Variants in CSMD1 observed in about 807,000 individuals in gnomAD.
CSMD1 encodes the protein CUB and Sushi multiple domains 1.
A neutral mutation model predicts 417.5 loss-of-function variants in CSMD1; 213 were observed. That is an observed-to-expected ratio of 0.51 (90% CI 0.46 to 0.57). CSMD1 has a LOEUF of 0.57. Among genes scored for constraint, CSMD1 ranks in the 20% least tolerant of loss-of-function variants. The pLI is 0.00. For missense variants in CSMD1, 6,923 were observed against 4,529.7 expected (o/e 1.53, Z -15.17); for synonymous variants, 2,862 against 1,736.8 (o/e 1.65, Z -16.11).
At chr8:3,680,757 A>G (rs1270439675) in intron 7 of CSMD1, among the ~76,000 whole-genome samples, 3 of 152,172 alleles carry the variant, frequency 2.0e-5, no homozygotes, top group East Asian at 3.8e-4. Context: ...TTAGACCAAT[A>G]TCCCTGATGA....
At chr8:4,393,574 T>C (rs1362739023) in intron 3 of CSMD1, among the ~76,000 whole-genome samples, 1 of 152,166 alleles carries the variant, frequency 6.6e-6, no homozygotes, top group East Asian at 1.9e-4. Flanking sequence ...GAGAAAGGCC[T>C]TCTGACTCTC....
At chr8:3,742,581 C>T (rs1327910871) in intron 6 of CSMD1, among the ~76,000 whole-genome samples, 2 of 152,092 alleles carry the variant, frequency 1.3e-5, no homozygotes, top group Non-Finnish European at 2.9e-5. Context: ...TTGCCTCTGC[C>T]CCGGGCCAGT....
At chr8:4,655,101 T>C (rs1333672273) in intron 1 of CSMD1, among the ~76,000 whole-genome samples, 1 of 152,058 alleles carries the variant, frequency 6.6e-6, no homozygotes, top group Non-Finnish European at 1.5e-5. Flanking sequence ...TTAATTTACC[T>C]ATATTACTAA....
chr8:4,657,834 G>C (rs891143003), intron 1 of CSMD1, among the ~76,000 whole-genome samples: 1 of 151,446 alleles, frequency 6.6e-6, no homozygotes, highest in Non-Finnish European at 1.5e-5. Flanking sequence ...TAGACAAAAA[G>C]GTCTAGGAAA....
Position 4,180,141 on chromosome 8 carries a change from G to A in CSMD1, c.416-148042C>T, listed in dbSNP as rs140388264. Among the ~76,000 whole-genome samples the A allele has an allele frequency of 5.3e-3, 800 of 152,094 alleles. 6 individuals are homozygous for A. The highest frequency in any genetic ancestry group is 0.01 in the African/African-American group (428 of 41,476). ...ACACATTCACACATATGTTTACTGC[G>A]GCACTATTCACGACAGCAAAGACTT... On this transcript the variant is annotated intron_variant, in intron 3 of 69. Transcript: ENST00000635120.
At chr8:4,364,486 T>C (rs1160969643) in intron 3 of CSMD1, among the ~76,000 whole-genome samples, 3 of 152,192 alleles carry the variant, frequency 2.0e-5, no homozygotes, top group African/African-American at 4.8e-5. Flanking sequence ...TTTCCTCTCT[T>C]GCTTTCTAGA....
chr8:3,494,282 C>G (rs1796267832), intron 10 of CSMD1, among the ~76,000 whole-genome samples: 1 of 152,030 alleles, frequency 6.6e-6, no homozygotes, highest in African/African-American at 2.4e-5. Context: ...ATGAGCAGCA[C>G]CAAGACATCT....
At chr8:4,072,254 G>A (rs1357282552) in intron 3 of CSMD1, among the ~76,000 whole-genome samples, 3 of 152,124 alleles carry the variant, frequency 2.0e-5, no homozygotes, top group Non-Finnish European at 4.4e-5. Context: ...GAATCCCATA[G>A]GAGTTTATTT....
intron 37 of CSMD1, among the ~76,000 whole-genome samples, chr8:3,170,268 T>C (rs920461633): frequency 1.1e-4 from 17 of 152,158 alleles, no homozygotes; most frequent in African/African-American, 3.4e-4. Flanking sequence ...AGTGCAGTGG[T>C]GTGATCTTGG....
At chr8:2,953,862 G>A (rs995112342) in intron 65 of CSMD1, among the ~76,000 whole-genome samples, 1 of 152,228 alleles carries the variant, frequency 6.6e-6, no homozygotes, top group Non-Finnish European at 1.5e-5. Flanking sequence ...TCATTGATAT[G>A]AGCTTCCTCA....
At chr8:3,003,272 T>C (rs1374978909) in intron 52 of CSMD1, among the ~76,000 whole-genome samples, 3 of 152,222 alleles carry the variant, frequency 2.0e-5, no homozygotes. Context: ...CTATTTTAAA[T>C]TTAAGATTCT....
intron 5 of CSMD1, among the ~76,000 whole-genome samples, chr8:3,968,589 G>A (rs1014096655): frequency 6.6e-6 from 1 of 152,168 alleles, no homozygotes; most frequent in Non-Finnish European, 1.5e-5. Context: ...GTGTATTTCA[G>A]ATGGAATATT....
chr8:4,164,996 C>G (rs887078528), intron 3 of CSMD1, among the ~76,000 whole-genome samples: 5 of 151,928 alleles, frequency 3.3e-5, no homozygotes, highest in African/African-American at 1.2e-4. Context: ...GTAGAGTTTC[C>G]TATGTTCTTG....
chr8:3,195,943 C>T (rs1796680494), intron 33 of CSMD1, among the ~76,000 whole-genome samples: 1 of 152,098 alleles, frequency 6.6e-6, no homozygotes, highest in African/African-American at 2.4e-5. Flanking sequence ...TCAATAGGGG[C>T]TGTATAAAAT....
At chr8:4,120,802 C>G (rs779402437) in intron 3 of CSMD1, among the ~76,000 whole-genome samples, 1 of 152,170 alleles carries the variant, frequency 6.6e-6, no homozygotes, top group Non-Finnish European at 1.5e-5. Context: ...AAGACAGAAG[C>G]TCATGACATG....
chr8:3,716,522 T>G lies in CSMD1; in HGVS notation c.932-8031A>C, dbSNP rs151216417. Reference sequence around the variant, plus strand: ...TAAACTGTCATGGTGCTGATGTGAGTGCAGCAGTGAGGATGGCCAGAGTCA... The same window carrying G: ...TAAACTGTCATGGTGCTGATGTGAGGGCAGCAGTGAGGATGGCCAGAGTCA... On this transcript the variant is annotated intron_variant, in intron 6 of 69. Transcript: ENST00000635120. 2.4e-3 allele frequency among the ~76,000 whole-genome samples: 372 copies of G among 152,278 alleles called. 2 individuals carry two copies. The highest frequency in any genetic ancestry group is 6.1e-3 in the Admixed American group (94 of 15,296).
chr8:3,132,234 C>G (rs913000864), intron 41 of CSMD1, among the ~76,000 whole-genome samples: 1 of 151,888 alleles, frequency 6.6e-6, no homozygotes, highest in African/African-American at 2.4e-5. Context: ...AATTGAAAAT[C>G]TAGTTTTCTA....
intron 1 of CSMD1, among the ~76,000 whole-genome samples, chr8:4,745,887 G>T (rs144679831): frequency 6.6e-6 from 1 of 152,238 alleles, no homozygotes; most frequent in East Asian, 1.9e-4. Flanking sequence ...CTTGATCCAG[G>T]CTCAGCCACT....
chr8:2,965,396 G>A (rs564763739), intron 59 of CSMD1, among the ~76,000 whole-genome samples: 2 of 152,040 alleles, frequency 1.3e-5, no homozygotes, highest in Non-Finnish European at 2.9e-5. Flanking sequence ...TCTCCAACCT[G>A]CCTCTAAATT....
Sources: gnomAD v4.1 joint callset for allele counts (sites outside exome capture counted in the v4.1 genomes callset) on GRCh38, gnomAD v4.1.1 for gene constraint, MANE v1.5 for transcripts, NCBI Gene and HGNC (gene_info 2026-07-23, HGNC 2026-07-21) for gene names.